Variants in SNAPC1 observed in about 807,000 individuals in gnomAD.
The protein encoded by SNAPC1 is snRNA-activating protein complex subunit 1.
A neutral mutation model predicts 50.1 loss-of-function variants in SNAPC1; 42 were observed. The observed-to-expected ratio is 0.84, with a 90% CI of 0.65 to 1.08. The LOEUF (loss-of-function observed/expected upper bound fraction) is 1.08, where lower values mean the gene tolerates loss of function less well. SNAPC1 is among the 50% of genes least tolerant of loss of function. The pLI is 0.00. For missense variants in SNAPC1, 477 were observed against 427.3 expected, an observed-to-expected ratio of 1.12 and a Z score of -1.02; for synonymous variants, 164 against 144.2, an observed-to-expected ratio of 1.14 and a Z score of -0.98.
At chr14:61,790,616 C>T (rs113295837) in intron 8 of SNAPC1, among the ~76,000 whole-genome samples, 8 of 152,312 alleles carry the variant, frequency 5.3e-5, no homozygotes, top group African/African-American at 1.9e-4. Context: ...AGATTACAGG[C>T]GCAAGCCACC....
chr14:61,771,477 A>AT (rs973237437), intron 4 of SNAPC1, among the ~76,000 whole-genome samples: 24 of 151,824 alleles, frequency 1.6e-4, no homozygotes, highest in African/African-American at 4.3e-4. Context: ...AAGAACTAGG[A>AT]TTTTTTTTTC....
chr14:61,784,302 C>A (rs148928370), intron 8 of SNAPC1, among the ~76,000 whole-genome samples: 1 of 152,084 alleles, frequency 6.6e-6, no homozygotes, highest in African/African-American at 2.4e-5. Flanking sequence ...CAAAAATAAT[C>A]CTAGACACAA....
chr14:61,767,416 C>T, intron 3 of SNAPC1, 64 bp downstream of exon 3: 2 of 1,040,950 alleles, frequency 1.9e-6, no homozygotes, highest in Non-Finnish European at 2.6e-6. Context: ...GTCCATAAAA[C>T]CTCTCAATCT....
At chr14:61,764,156 G>A (rs2044930265) in intron 1 of SNAPC1, among the ~76,000 whole-genome samples, 1 of 152,050 alleles carries the variant, frequency 6.6e-6, no homozygotes, top group African/African-American at 2.4e-5. Flanking sequence ...CTGGTCAAAT[G>A]TTCATTATTA....
Position 61,778,684 on chromosome 14 carries a change from G to A in SNAPC1, c.763-164G>A, listed in dbSNP as rs544619276. 1.4e-4 allele frequency among the ~76,000 whole-genome samples: 22 copies of A among 152,314 alleles called. 1 individual carries two copies. The East Asian group carries it at 3.9e-3, about 27-fold the overall frequency. On this transcript the variant is annotated intron_variant, in intron 6 of 9. Transcript: ENST00000216294. ...TGCTACATCTGTGAGAGAATATGAT[G>A]TATGTTTATGTGTGTGTACTCAATG...
chr14:61,763,426 A>G (rs72714599), intron 1 of SNAPC1, among the ~76,000 whole-genome samples: 22,679 of 149,274 alleles, frequency 0.15, 2,114 homozygotes, highest in African/African-American at 0.27. Context: ...GCCTTTGCCT[A>G]TCTCTCCAGC....
intron 7 of SNAPC1, among the ~76,000 whole-genome samples, chr14:61,781,366 G>A (rs545093953): frequency 6.6e-5 from 10 of 150,466 alleles, no homozygotes; most frequent in African/African-American, 2.2e-4. Context: ...GGAGAATGGC[G>A]TGAACCCCGG....
At chr14:61,771,138 A>G (rs2044987712) in intron 4 of SNAPC1, among the ~76,000 whole-genome samples, 1 of 152,248 alleles carries the variant, frequency 6.6e-6, no homozygotes. Flanking sequence ...CTGTATTACA[A>G]GGAACTGAAT....
chr14:61,766,598 T>C (rs766709250), intron 1 of SNAPC1, among the ~76,000 whole-genome samples: 2 of 152,278 alleles, frequency 1.3e-5, no homozygotes, highest in Admixed American at 6.5e-5. Flanking sequence ...TTTAACATTA[T>C]GGGTTTTAAA....
At chr14:61,792,093 A>G (rs1387983695) in intron 8 of SNAPC1, among the ~76,000 whole-genome samples, 1 of 141,246 alleles carries the variant, frequency 7.1e-6, no homozygotes, top group Non-Finnish European at 1.5e-5. Context: ...ACAGAGTGAG[A>G]CTCCATTAAA....
chr14:61,762,812 C>T (rs2044916632), intron 1 of SNAPC1, among the ~76,000 whole-genome samples: 1 of 151,942 alleles, frequency 6.6e-6, no homozygotes, highest in South Asian at 2.1e-4. Context: ...AAATATGCGT[C>T]TCTGCCTGGC....
intron 4 of SNAPC1, 69 bp downstream of exon 4, chr14:61,768,809 T>C: frequency 1.4e-6 from 1 of 735,018 alleles, no homozygotes; most frequent in East Asian, 2.6e-5. Flanking sequence ...ATTGAGGTTA[T>C]ACCTTCATCT....
intron 8 of SNAPC1, among the ~76,000 whole-genome samples, chr14:61,783,528 G>GTTT (rs577941212): frequency 0.014 from 1,587 of 110,120 alleles, 69 homozygotes; most frequent in Non-Finnish European, 0.019. Flanking sequence ...GTTTGGTTTG[G>GTTT]TTTTTTTTTT....
intron 4 of SNAPC1, 33 bp downstream of exon 4, chr14:61,768,773 A>G (rs769102231): frequency 8.1e-7 from 1 of 1,235,606 alleles, no homozygotes; most frequent in Non-Finnish European, 1.2e-6. Flanking sequence ...GAAAATTTTT[A>G]AAAATTGTTT....
intron 9 of SNAPC1, 57 bp downstream of exon 9, chr14:61,792,959 T>A (rs901879670): frequency 2.3e-6 from 2 of 859,002 alleles, no homozygotes; most frequent in Non-Finnish European, 3.8e-6. Flanking sequence ...TCGTAGAGCA[T>A]CAAGGTTTAG....
intron 8 of SNAPC1, among the ~76,000 whole-genome samples, chr14:61,790,120 TGGG>T (rs1566593916): frequency 6.6e-6 from 1 of 152,148 alleles, no homozygotes; most frequent in Admixed American, 6.5e-5. Flanking sequence ...AAGATTTCAT[TGGG>T]GGGAGAATTC....
At chr14:61,776,371 T>C in intron 5 of SNAPC1, 118 bp downstream of exon 5, 1 of 901,850 alleles carries the variant, frequency 1.1e-6, no homozygotes, top group South Asian at 1.5e-5. Context: ...AGCTAAGATT[T>C]ATAGGGCTTG....
At chr14:61,794,115 A>G (rs557292944) in intron 9 of SNAPC1, among the ~76,000 whole-genome samples, 1 of 152,250 alleles carries the variant, frequency 6.6e-6, no homozygotes, top group South Asian at 2.1e-4. Context: ...AGCCAGAATG[A>G]TGTGTGGTAC....
chr14:61,768,487 C>T (rs576480240), intron 3 of SNAPC1, 149 bp from the exon 4 acceptor site: 8 of 533,976 alleles, frequency 1.5e-5, no homozygotes, highest in African/African-American at 1.3e-4. Context: ...GTCTTTGGAA[C>T]GTGGATATTT....
Sources: allele counts gnomAD v4.1 joint callset (sites outside exome capture counted in the v4.1 genomes callset), GRCh38; gene constraint gnomAD v4.1.1; transcripts MANE v1.5; gene names NCBI Gene and HGNC (gene_info 2026-07-23, HGNC 2026-07-21).